GLB1L2: variants seen among roughly 807,000 people sequenced by gnomAD.
GLB1L2 encodes the protein beta-galactosidase-1-like protein 2.
In GLB1L2, 68 loss-of-function variants were observed where a neutral mutation model predicts 84.1. The observed-to-expected ratio is 0.81, with a 90% CI of 0.67 to 0.99. GLB1L2 has a LOEUF of 0.99. GLB1L2 is among the 50% of genes least tolerant of loss of function. The probability of loss-of-function intolerance (pLI) is 0.00; values close to 1 mark genes in which losing one functional copy is unlikely to be tolerated. For missense variants in GLB1L2, 762 were observed against 805.6 expected (o/e 0.95, Z 0.66); for synonymous variants, 290 against 318.0 (o/e 0.91, Z 0.94).
chr11:134,368,617 AC>A (rs1274141888), intron 9 of GLB1L2, 26 bp from the exon 10 acceptor site: 17 of 1,612,674 alleles, frequency 1.1e-5, no homozygotes, highest in Non-Finnish European at 1.4e-5. Flanking sequence ...CTCACTCTGC[AC>A]ATCCCCTTTC....
intron 6 of GLB1L2, among the ~76,000 whole-genome samples, chr11:134,357,507 A>G (rs7103356): frequency 0.63 from 96,305 of 152,148 alleles, 30,834 homozygotes; most frequent in East Asian, 0.92. Flanking sequence ...ATCCCAGCAC[A>G]GGACTTGAAG....
At chr11:134,345,283 G>C (rs1943538471) in intron 4 of GLB1L2, among the ~76,000 whole-genome samples, 154 bp downstream of exon 4, 1 of 152,232 alleles carries the variant, frequency 6.6e-6, no homozygotes, top group South Asian at 2.1e-4. Context: ...GCAGCACCCA[G>C]AGGGGATCGC....
intron 2 of GLB1L2, among the ~76,000 whole-genome samples, chr11:134,343,696 C>T: frequency 6.6e-6 from 1 of 152,192 alleles, no homozygotes; most frequent in Non-Finnish European, 1.5e-5. Context: ...CGAAAGGACT[C>T]CTGAAGGCTG....
At chr11:134,371,371 T>C in intron 13 of GLB1L2, 50 bp from the exon 14 acceptor site, 1 of 1,270,246 alleles carries the variant, frequency 7.9e-7, no homozygotes, top group Non-Finnish European at 1.2e-6. Flanking sequence ...GAGGTCCCGC[T>C]TACCCTCCTC....
At chr11:134,333,882 T>C (rs1943340209) in intron 1 of GLB1L2, among the ~76,000 whole-genome samples, 1 of 152,196 alleles carries the variant, frequency 6.6e-6, no homozygotes, top group Non-Finnish European at 1.5e-5. Flanking sequence ...TCCATCCTTC[T>C]AGCAGGTAGA....
At chr11:134,340,576 A>AG in intron 1 of GLB1L2, among the ~76,000 whole-genome samples, 1 of 152,328 alleles carries the variant, frequency 6.6e-6, no homozygotes, top group Non-Finnish European at 1.5e-5. Flanking sequence ...TGAGCAGAGC[A>AG]GGGGGCACCA....
At chr11:134,368,548 G>A (rs1040069609) in intron 9 of GLB1L2, 96 bp from the exon 10 acceptor site, 22 of 1,334,744 alleles carry the variant, frequency 1.6e-5, no homozygotes, top group Middle Eastern at 1.9e-4. Flanking sequence ...TTGAGGTTTT[G>A]AGGTGGGACT....
At chr11:134,367,149 C>A in intron 8 of GLB1L2, 108 bp from the exon 9 acceptor site, 1 of 967,862 alleles carries the variant, frequency 1.0e-6, no homozygotes, top group Non-Finnish European at 1.6e-6. Context: ...GGTATGCAGA[C>A]AGGGAAGAGT....
At chr11:134,348,094 G>A (rs1215514542) in intron 5 of GLB1L2, among the ~76,000 whole-genome samples, 4 of 152,086 alleles carry the variant, frequency 2.6e-5, no homozygotes, top group African/African-American at 4.8e-5. Context: ...CAGAAAGAAC[G>A]GCATTGAGAA....
intron 1 of GLB1L2, among the ~76,000 whole-genome samples, chr11:134,340,044 G>A (rs1001419774): frequency 8.5e-5 from 13 of 152,210 alleles, no homozygotes; most frequent in Non-Finnish European, 1.6e-4. Context: ...GTTCCTAGCA[G>A]GGACTGTGTT....
intron 18 of GLB1L2, 31 bp from the exon 19 acceptor site, chr11:134,374,941 C>T: frequency 6.3e-7 from 1 of 1,598,046 alleles, no homozygotes; most frequent in South Asian, 1.1e-5. Flanking sequence ...CAGACGTCAG[C>T]TGCCCTCCCA....
Position 134,344,607 on chromosome 11 carries a change from G to A in GLB1L2, c.353+152G>A, listed in dbSNP as rs544058526. On this transcript the variant is annotated intron_variant, in intron 3 of 18. Transcript: ENST00000535456. ...GAGGCCCTGCACCCAGGACCCAGAC[G>A]CTCCCCAGTCGTGACCTGTCACCCA... 1.5e-3 allele frequency: 1,569 copies of A among 1,017,706 alleles called. 1 individual carries two copies. In the African/African-American group the frequency reaches 0.022, roughly 14 times the overall value. 63.0% of individuals were successfully genotyped at this position (1,017,706 alleles called of 1,614,324 possible). A position where few individuals can be genotyped will look rare whatever the true frequency, so the allele number is the denominator to read the frequency against.
At chr11:134,335,689 A>G (rs1224907863) in intron 1 of GLB1L2, among the ~76,000 whole-genome samples, 1 of 152,194 alleles carries the variant, frequency 6.6e-6, no homozygotes, top group Non-Finnish European at 1.5e-5. Context: ...GAAATAGCAG[A>G]AAGTTGACCA....
intron 9 of GLB1L2, among the ~76,000 whole-genome samples, chr11:134,367,552 A>C (rs551731061): frequency 6.6e-6 from 1 of 152,310 alleles, no homozygotes; most frequent in African/African-American, 2.4e-5. Flanking sequence ...GTGTTTTTGT[A>C]ATTAGAAGGG....
chr11:134,332,286 C>G (rs1943310230), intron 1 of GLB1L2, 139 bp downstream of exon 1: 1 of 584,712 alleles, frequency 1.7e-6, no homozygotes, highest in African/African-American at 2.0e-5. Context: ...GGGAGCTCCC[C>G]AATACCCCCG....
chr11:134,333,821 A>G (rs1943339516), intron 1 of GLB1L2, among the ~76,000 whole-genome samples: 1 of 152,168 alleles, frequency 6.6e-6, no homozygotes, highest in Admixed American at 6.5e-5. Context: ...GCTGCAACCA[A>G]ATTCTGTGAA....
intron 5 of GLB1L2, among the ~76,000 whole-genome samples, chr11:134,349,406 G>A (rs1565436509): frequency 6.6e-6 from 1 of 152,214 alleles, no homozygotes; most frequent in African/African-American, 2.4e-5. Context: ...GAGCATGGGT[G>A]TACAAATACC....
At chr11:134,354,819 G>C (rs1167632214) in intron 5 of GLB1L2, among the ~76,000 whole-genome samples, 1 of 152,140 alleles carries the variant, frequency 6.6e-6, no homozygotes, top group Non-Finnish European at 1.5e-5. Context: ...TTTGATTATA[G>C]AGTGTCCCTG....
intron 2 of GLB1L2, 60 bp from the exon 3 acceptor site, chr11:134,344,327 G>A: frequency 6.3e-7 from 1 of 1,592,698 alleles, no homozygotes. Context: ...AGAAGGTAAT[G>A]TGAGAGGTGA....
Sources: allele counts gnomAD v4.1 joint callset (sites outside exome capture counted in the v4.1 genomes callset), GRCh38; gene constraint gnomAD v4.1.1; transcripts MANE v1.5; gene names NCBI Gene and HGNC (gene_info 2026-07-23, HGNC 2026-07-21).